The following TAF2 variants were observed in gnomAD, a reference collection of about 807,000 sequenced individuals.
TAF2 encodes transcription initiation factor TFIID subunit 2.
Under a neutral mutation model 138.5 loss-of-function variants are expected in TAF2, and 61 were observed. The ratio of observed to expected loss-of-function variants is 0.44; its 90% CI spans 0.36 to 0.54. The LOEUF is 0.54. Ranked by LOEUF, TAF2 falls within the 20% of genes least tolerant of loss-of-function variation. The probability of loss-of-function intolerance (pLI) is 0.00; values close to 1 mark genes in which losing one functional copy is unlikely to be tolerated. For synonymous variants in TAF2, 475 were observed against 469.9 expected (o/e 1.01, Z -0.14); for missense variants, 1,090 against 1,427.9 (o/e 0.76, Z 3.81).
intron 25 of TAF2, among the ~76,000 whole-genome samples, chr8:119,738,862 G>A (rs990384935): frequency 6.6e-6 from 1 of 151,940 alleles, no homozygotes; most frequent in Non-Finnish European, 1.5e-5. Flanking sequence ...TAGGAAAGGT[G>A]TAAGTTCTGT....
chr8:119,794,119 C>T (rs146857598), intron 9 of TAF2, among the ~76,000 whole-genome samples: 13 of 152,128 alleles, frequency 8.5e-5, no homozygotes, highest in Admixed American at 4.6e-4. Flanking sequence ...TAAGTGAAGA[C>T]GGGCGCAGTG....
chr8:119,789,845 G>C (rs1823293889), intron 11 of TAF2, 99 bp from the exon 12 acceptor site: 1 of 1,192,582 alleles, frequency 8.4e-7, no homozygotes, highest in African/African-American at 1.5e-5. Flanking sequence ...GTCAATTATA[G>C]AAGACAATAA....
chr8:119,790,493 A>T (rs1823344819), intron 11 of TAF2, among the ~76,000 whole-genome samples: 1 of 152,088 alleles, frequency 6.6e-6, no homozygotes, highest in African/African-American at 2.4e-5. Context: ...GATTAAAGAA[A>T]CTGAACTTTA....
At chr8:119,741,761 T>C (rs1236077882) in intron 25 of TAF2, among the ~76,000 whole-genome samples, 1 of 152,226 alleles carries the variant, frequency 6.6e-6, no homozygotes, top group South Asian at 2.1e-4. Context: ...TCACAGACTG[T>C]AAAGTCTGTC....
chr8:119,804,917 G>C (rs1824516779), intron 4 of TAF2, among the ~76,000 whole-genome samples: 1 of 151,962 alleles, frequency 6.6e-6, no homozygotes, highest in South Asian at 2.1e-4. Flanking sequence ...GCTTTCATAA[G>C]ATTTTAATTT....
chr8:119,733,788 C>A (rs555533409), intron 25 of TAF2, among the ~76,000 whole-genome samples: 3 of 151,918 alleles, frequency 2.0e-5, no homozygotes, highest in East Asian at 1.9e-4. Context: ...CCGCCCCCCC[C>A]CATCCTAATC....
chr8:119,794,021 GGGCTTAGGTGATCCTCCCACCTCAGCC>G (rs969716443), intron 9 of TAF2, among the ~76,000 whole-genome samples: 7 of 151,900 alleles, frequency 4.6e-5, no homozygotes, highest in African/African-American at 1.7e-4. Context: ...TTGACTTCCT[GGGCTTAGGTGATCCTCCCACCTCAGCC>G]CAAGAAGCTG....
chr8:119,751,011 T>TA (rs1255687420), intron 22 of TAF2, among the ~76,000 whole-genome samples: 21 of 151,820 alleles, frequency 1.4e-4, no homozygotes, highest in Admixed American at 5.9e-4. Flanking sequence ...TCTTCAGAAA[T>TA]AAAAAAAACA....
chr8:119,804,103 G>A (rs1425565669), intron 4 of TAF2, 84 bp from the exon 5 acceptor site: 62 of 1,493,486 alleles, frequency 4.2e-5, no homozygotes, highest in Middle Eastern at 3.4e-4. Context: ...TGCTGAACAT[G>A]AAATGGAATT....
At chr8:119,797,321 C>T (rs892395189) in intron 7 of TAF2, among the ~76,000 whole-genome samples, 1 of 151,996 alleles carries the variant, frequency 6.6e-6, no homozygotes, top group African/African-American at 2.4e-5. Context: ...AAATTTCTGA[C>T]AATATCAGTA....
intron 3 of TAF2, among the ~76,000 whole-genome samples, chr8:119,816,860 C>T (rs1002907751): frequency 4.6e-5 from 7 of 152,204 alleles, no homozygotes; most frequent in African/African-American, 1.7e-4. Flanking sequence ...AAGTATCCAC[C>T]ATCCTATACT....
intron 3 of TAF2, among the ~76,000 whole-genome samples, chr8:119,817,143 A>C (rs527570722): frequency 1.3e-5 from 2 of 152,332 alleles, no homozygotes; most frequent in East Asian, 3.9e-4. Context: ...CTTTAAATAC[A>C]TTCCATCTTT....
Position 119,801,823 on chromosome 8 carries a change from C to T in TAF2, c.763G>A (p.Glu255Lys). 1 of 1,614,104 alleles carries T rather than the reference C, an allele frequency of 6.2e-7. No individual in the cohort carries two copies. Among genetic ancestry groups the T allele is most frequent in the Non-Finnish European group, 8.5e-7 (1 of 1,180,006 alleles). ...SNISLAIGPF[E>K]ILVDPYMHEV... ...TGCATGTATGGATCTACCAGTATTT[C>T]AAATGGTCCAATGGCCAAGGAGATA... The change falls in exon 6 of 26, where the codon GAA (glutamate) becomes AAA (lysine). Residue 255 changes from glutamate (E) to lysine (K), a missense_variant. Around this residue, in one of 3 missense-constraint regions of TAF2, gnomAD observed 504 missense variants for 680.9 expected, o/e 0.74. Coordinates refer to ENST00000378164, the MANE Select transcript of TAF2 (RefSeq NM_003184.4).
intron 16 of TAF2, among the ~76,000 whole-genome samples, chr8:119,783,092 T>C (rs544110266): frequency 1.3e-5 from 2 of 152,290 alleles, no homozygotes; most frequent in South Asian, 4.1e-4. Context: ...CCAAATATAT[T>C]CTTCGCTTTA....
chr8:119,768,364 TTTCTC>T (rs1821589284), intron 18 of TAF2, among the ~76,000 whole-genome samples: 1 of 152,196 alleles, frequency 6.6e-6, no homozygotes, highest in African/African-American at 2.4e-5. Flanking sequence ...ATCATTAACT[TTTCTC>T]TTCCTTTACA....
intron 6 of TAF2, among the ~76,000 whole-genome samples, chr8:119,798,314 C>T (rs559306577): frequency 6.6e-6 from 1 of 152,152 alleles, no homozygotes; most frequent in South Asian, 2.1e-4. Context: ...AATTACACAC[C>T]AAAGACTGCA....
chr8:119,807,446 C>T (rs181112128), intron 3 of TAF2, among the ~76,000 whole-genome samples: 5 of 151,790 alleles, frequency 3.3e-5, no homozygotes, highest in Middle Eastern at 3.4e-3. Context: ...TAAAAAAATA[C>T]GAAAGAAATG....
chr8:119,787,983 C>G (rs1823141361), intron 14 of TAF2, among the ~76,000 whole-genome samples: 1 of 152,138 alleles, frequency 6.6e-6, no homozygotes, highest in Non-Finnish European at 1.5e-5. Flanking sequence ...CAAACGAACA[C>G]AGGAACAGAA....
At position 119,832,604 on chromosome 8, in the gene TAF2, G is replaced by A. The variant is rs780666237; in HGVS notation, c.-40C>T. 41 of 1,590,286 alleles carry A rather than the reference G, an allele frequency of 2.6e-5. No homozygotes were observed. The highest frequency in any genetic ancestry group is 3.4e-5 in the Non-Finnish European group (40 of 1,163,758). On this transcript the variant is annotated 5_prime_UTR_variant, in exon 1 of 26. Transcript: ENST00000378164. ...GAGCTTGGCTTCCCGGCTTCCTAGG[G>A]GGATACGGGGCATTACTAGTCTTTG...
Sources: allele counts gnomAD v4.1 joint callset (sites outside exome capture counted in the v4.1 genomes callset), GRCh38; gene constraint gnomAD v4.1.1; regional missense constraint gnomAD v4.1.1; transcripts MANE v1.5; gene names NCBI Gene and HGNC (gene_info 2026-07-23, HGNC 2026-07-21).